DNAAF9: variants seen among roughly 807,000 people sequenced by gnomAD.
The protein encoded by DNAAF9 is shulin.
DNAAF9 carries 90 observed loss-of-function variants against 167.0 expected under a neutral mutation model. The ratio of observed to expected loss-of-function variants is 0.54; its 90% CI spans 0.45 to 0.64. The LOEUF (loss-of-function observed/expected upper bound fraction) is 0.64, where lower values mean the gene tolerates loss of function less well. Among genes scored for constraint, DNAAF9 ranks in the 30% least tolerant of loss-of-function variants. The pLI, the probability that DNAAF9 is intolerant of heterozygous loss-of-function variation, is 0.00. For synonymous variants in DNAAF9, 491 were observed against 508.8 expected (o/e 0.96, Z 0.47); for missense variants, 1,315 against 1,442.2 (o/e 0.91, Z 1.43).
At chr20:3,324,862 T>G (rs758040234) in intron 14 of DNAAF9, 30 bp downstream of exon 14, 2 of 1,176,580 alleles carry the variant, frequency 1.7e-6, no homozygotes, top group Non-Finnish European at 2.5e-6. Context: ...GAAAAAAAAT[T>G]CCTTATAAAA....
rs573038341 is a variant in DNAAF9, at chr20:3,353,348, T to C, written c.691-4725A>G. Among the ~76,000 whole-genome samples, 23 of 151,750 alleles carry C rather than the reference T, an allele frequency of 1.5e-4. No homozygotes were observed. The South Asian group carries it at 4.4e-3, about 29-fold the overall frequency. On this transcript the variant is annotated intron_variant, in intron 7 of 36. Coordinates refer to ENST00000252032, the MANE Select transcript of DNAAF9 (RefSeq NM_001009984.3). ...CAGAATGCTTCACTTTGTGAGACTT[T>C]AAAAAAACAAAAAGGGACCGGGTGC...
chr20:3,260,340 C>T (rs1201938255), intron 31 of DNAAF9, among the ~76,000 whole-genome samples: 3 of 150,850 alleles, frequency 2.0e-5, no homozygotes, highest in South Asian at 2.1e-4. Context: ...AGCAAGACTC[C>T]GTCTCAAAAA....
Position 3,252,640 on chromosome 20 carries a change from C to T in DNAAF9, c.3466G>A (p.Glu1156Lys). 1 of 1,613,128 alleles carries T rather than the reference C, an allele frequency of 6.2e-7. No individual in the cohort carries two copies. The highest frequency in any genetic ancestry group is 8.5e-7 in the Non-Finnish European group (1 of 1,179,068). ...AGCTCCTGGTTATACTTCTCAATTT[C>T]CCGGTTGGCTTCTTCCACGTAGTCA... ...MNDYVEEANR[E>K]IEKYNQELEQ... is the part of the protein sequence containing the mutation. Residue 1156 changes from glutamate (E) to lysine (K), a missense_variant, in exon 37 of 37, where the codon GAA becomes AAA. Physicochemically the swap from Glu to Lys is moderately conservative, Grantham distance 56. Transcript: ENST00000252032.
At chr20:3,366,490 T>C (rs11698615) in intron 6 of DNAAF9, among the ~76,000 whole-genome samples, 1 of 152,164 alleles carries the variant, frequency 6.6e-6, no homozygotes, top group Non-Finnish European at 1.5e-5. Context: ...CAGAGTAGAT[T>C]TGGCATAATC....
At chr20:3,335,423 G>A (rs1157641483) in intron 10 of DNAAF9, among the ~76,000 whole-genome samples, 1 of 151,994 alleles carries the variant, frequency 6.6e-6, no homozygotes, top group African/African-American at 2.4e-5. Flanking sequence ...CTTCCTTCTG[G>A]CCTTCATGGT....
chr20:3,332,439 G>C (rs1000296420), intron 10 of DNAAF9, 78 bp from the exon 11 acceptor site: 1 of 719,638 alleles, frequency 1.4e-6, no homozygotes, highest in Non-Finnish European at 2.4e-6. Flanking sequence ...AAAGTATAGA[G>C]TCAATGGAAA....
chr20:3,373,875 G>A (rs1013337744), intron 6 of DNAAF9, among the ~76,000 whole-genome samples, 173 bp downstream of exon 6: 2 of 152,176 alleles, frequency 1.3e-5, no homozygotes, highest in Non-Finnish European at 2.9e-5. Context: ...ACCTCAGTCT[G>A]GGACTAGCCT....
At chr20:3,340,436 C>CG in intron 10 of DNAAF9, 68 bp downstream of exon 10, 1 of 192,366 alleles carries the variant, frequency 5.2e-6, no homozygotes. Context: ...GTCTAGCTCC[C>CG]CCCACCCACC....
At chr20:3,363,970 G>GT (rs1479271334) in intron 6 of DNAAF9, among the ~76,000 whole-genome samples, 207 of 151,758 alleles carry the variant, frequency 1.4e-3, no homozygotes, top group African/African-American at 4.5e-3. Flanking sequence ...GTTGATTTGG[G>GT]TTTTTTTTGT....
chr20:3,405,315 T>C (rs962736402), intron 1 of DNAAF9, among the ~76,000 whole-genome samples: 2 of 152,184 alleles, frequency 1.3e-5, no homozygotes, highest in Admixed American at 1.3e-4. Context: ...GTACTATCTA[T>C]GGGTCTTAGG....
chr20:3,337,958 G>GAT (rs1186526826), intron 10 of DNAAF9, among the ~76,000 whole-genome samples: 4 of 146,814 alleles, frequency 2.7e-5, no homozygotes, highest in East Asian at 3.9e-4. Flanking sequence ...CCAAGCTTCT[G>GAT]ATATATATAT....
chr20:3,315,109 AG>A lies in DNAAF9; in HGVS notation c.1601del (p.Ser534PhefsTer7). On this transcript the variant is annotated frameshift_variant, in exon 20 of 37. Transcript: ENST00000252032. LOFTEE classifies it high-confidence loss of function. The surrounding 1 kb of genome is among the most constrained non-coding windows in gnomAD (Gnocchi z 4.1). ...KTQQAVRGDE[S>X]FLGTYLTGGE... is the part of the protein sequence containing the mutation. ...CTCCTGTTAGATAAGTGCCCAGGAA[AG>A]ACTCATCCCCCTTTAAAAACAACAA... 6.2e-7 allele frequency: 1 copy of A among 1,602,278 alleles called. No individual in the cohort carries two copies. The highest frequency in any genetic ancestry group is 1.7e-5 in the Admixed American group (1 of 60,002).
intron 1 of DNAAF9, among the ~76,000 whole-genome samples, chr20:3,402,606 C>T (rs1189734266): frequency 6.6e-6 from 1 of 151,716 alleles, no homozygotes; most frequent in Non-Finnish European, 1.5e-5. Flanking sequence ...GACACAGGAT[C>T]TCACTCTGTT....
At chr20:3,321,480 T>C (rs555370098) in intron 16 of DNAAF9, among the ~76,000 whole-genome samples, 30 of 152,380 alleles carry the variant, frequency 2.0e-4, no homozygotes, top group Admixed American at 1.2e-3. Flanking sequence ...TATGATATTA[T>C]GGGACCACTG....
At chr20:3,383,668 A>C (rs1354501261) in intron 1 of DNAAF9, among the ~76,000 whole-genome samples, 1 of 151,878 alleles carries the variant, frequency 6.6e-6, no homozygotes, top group African/African-American at 2.4e-5. Flanking sequence ...CCACCTATGA[A>C]GCCAGGCATC....
rs1369310023 is a variant in DNAAF9 at position 3,294,211 on chromosome 20, C to T, written c.2166G>A (p.Val722=). The T allele has an allele frequency of 4.3e-6, 7 of 1,613,502 alleles. No homozygotes were observed. Among genetic ancestry groups the T allele is most frequent in the Non-Finnish European group, 5.9e-6 (7 of 1,179,452 alleles). ...FAISSISQEP[V]MRTHLPVLLQ... ...GCAGCACAGGAAGATGGGTCCGCAT[C>T]ACAGGCTCCTGGCTAATGCTGCTGA... Residue 722 remains valine (V), a synonymous_variant, in exon 25 of 37, where the codon GTG becomes GTA. Coordinates refer to ENST00000252032, the MANE Select transcript of DNAAF9 (RefSeq NM_001009984.3).
At chr20:3,301,277 T>C (rs1008357695) in intron 21 of DNAAF9, among the ~76,000 whole-genome samples, 1 of 149,060 alleles carries the variant, frequency 6.7e-6, no homozygotes. Flanking sequence ...AACCTCCGCC[T>C]CCCAGGTTCA....
At chr20:3,355,626 C>T (rs990413915) in intron 7 of DNAAF9, among the ~76,000 whole-genome samples, 1 of 151,916 alleles carries the variant, frequency 6.6e-6, no homozygotes. Flanking sequence ...TATCAAATGC[C>T]TTTTTTTAGC....
At chr20:3,318,216 G>A in intron 17 of DNAAF9, 73 bp downstream of exon 17, 1 of 620,870 alleles carries the variant, frequency 1.6e-6, no homozygotes, top group Non-Finnish European at 2.8e-6. Context: ...TTTTGCCTTA[G>A]TTTATAGTTT....
Sources: allele counts gnomAD v4.1 joint callset (sites outside exome capture counted in the v4.1 genomes callset), GRCh38; gene constraint gnomAD v4.1.1; non-coding constraint Gnocchi (gnomAD v3.1); transcripts MANE v1.5; gene names NCBI Gene and HGNC (gene_info 2026-07-23, HGNC 2026-07-21).